Variants in DDX60L observed in about 807,000 individuals in gnomAD.
DDX60L encodes probable ATP-dependent RNA helicase DDX60-like.
DDX60L carries 191 observed loss-of-function variants against 211.6 expected under a neutral mutation model. The observed-to-expected ratio is 0.90, with a 90% CI of 0.80 to 1.02. The LOEUF (loss-of-function observed/expected upper bound fraction) is 1.02, where lower values mean the gene tolerates loss of function less well. Among genes scored for constraint, DDX60L ranks in the 50% least tolerant of loss-of-function variants. The probability of loss-of-function intolerance (pLI) is 0.00; values close to 1 mark genes in which losing one functional copy is unlikely to be tolerated. For synonymous variants in DDX60L, 706 were observed against 694.1 expected (o/e 1.02, Z -0.27); for missense variants, 2,007 against 1,984.1 (o/e 1.01, Z -0.22).
intron 3 of DDX60L, 40 bp from the exon 4 acceptor site, chr4:168,471,976 T>C (rs1758845366): frequency 6.8e-7 from 1 of 1,471,726 alleles, no homozygotes; most frequent in African/African-American, 1.4e-5. Context: ...CACAGATGTT[T>C]CACAGAGACT....
At chr4:168,437,728 G>A (rs542840137) in intron 10 of DDX60L, among the ~76,000 whole-genome samples, 1 of 152,320 alleles carries the variant, frequency 6.6e-6, no homozygotes, top group African/African-American at 2.4e-5. Flanking sequence ...CAAAGGTGAT[G>A]TCATGCACCC....
intron 36 of DDX60L, among the ~76,000 whole-genome samples, chr4:168,370,416 A>G (rs1740794623): frequency 6.6e-6 from 1 of 152,178 alleles, no homozygotes; most frequent in Admixed American, 6.5e-5. Flanking sequence ...ATGGTTACAA[A>G]GATTGGGGAG....
intron 26 of DDX60L, 42 bp from the exon 27 acceptor site, chr4:168,396,166 C>A (rs1286900093): frequency 9.9e-6 from 12 of 1,218,070 alleles, no homozygotes; most frequent in African/African-American, 1.6e-5. Context: ...GTAATGAAAA[C>A]TCATATTCAG....
intron 12 of DDX60L, 109 bp from the exon 13 acceptor site, chr4:168,430,747 C>A: frequency 1.2e-6 from 1 of 819,574 alleles, no homozygotes. Flanking sequence ...CAGTATTTGC[C>A]AATGAGGTCA....
At position 168,378,691 on chromosome 4, in the gene DDX60L, C is replaced by T. The variant is rs145975151; in HGVS notation, c.4364-216G>A. ...ATATTCTGTGCCTTGTTTTTCCATCCTTGCTATACCCGCCCTAGTTCCCAC... is the reference window on the plus strand; with the variant it reads ...ATATTCTGTGCCTTGTTTTTCCATCTTTGCTATACCCGCCCTAGTTCCCAC... On this transcript the variant is annotated intron_variant, in intron 32 of 37. Coordinates refer to ENST00000682922, the MANE Select transcript of DDX60L (RefSeq NM_001012967.3). 1.2e-4 allele frequency among the ~76,000 whole-genome samples: 18 copies of T among 152,076 alleles called. No individual in the cohort carries two copies. The East Asian group carries it at 3.5e-3, about 29-fold the overall frequency.
chr4:168,430,328 G>A (rs904620416), intron 13 of DDX60L, 150 bp downstream of exon 13: 2 of 598,946 alleles, frequency 3.3e-6, no homozygotes, highest in Non-Finnish European at 5.3e-6. Flanking sequence ...CCAATCGCAG[G>A]TATATCTTTC....
intron 26 of DDX60L, among the ~76,000 whole-genome samples, chr4:168,399,793 G>A (rs1372581418): frequency 2.6e-5 from 4 of 152,152 alleles, no homozygotes; most frequent in Non-Finnish European, 5.9e-5. Context: ...AAAAATCACA[G>A]CAGTGAAGTC....
chr4:168,429,995 C>G (rs528220221), intron 13 of DDX60L, among the ~76,000 whole-genome samples: 3 of 152,192 alleles, frequency 2.0e-5, no homozygotes, highest in African/African-American at 7.2e-5. Context: ...GTCGGGAGTT[C>G]GAGACCAGCC....
intron 33 of DDX60L, 87 bp downstream of exon 33, chr4:168,378,267 T>TTAA: frequency 1.4e-6 from 1 of 711,230 alleles, no homozygotes; most frequent in East Asian, 3.2e-5. Flanking sequence ...CTTATATTAA[T>TTAA]TTAACCCTAT....
At chr4:168,371,102 T>C (rs1352375711) in intron 36 of DDX60L, among the ~76,000 whole-genome samples, 1 of 151,372 alleles carries the variant, frequency 6.6e-6, no homozygotes, top group Non-Finnish European at 1.5e-5. Flanking sequence ...AAAATATTAA[T>C]TTATTTCATA....
chr4:168,373,926 T>C, intron 34 of DDX60L, 118 bp from the exon 35 acceptor site: 1 of 987,606 alleles, frequency 1.0e-6, no homozygotes, highest in Non-Finnish European at 1.5e-6. Flanking sequence ...GAATGAAAAC[T>C]GATTGAGATA....
chr4:168,413,578 C>G (rs1749041276), intron 22 of DDX60L, among the ~76,000 whole-genome samples: 1 of 151,558 alleles, frequency 6.6e-6, no homozygotes, highest in Non-Finnish European at 1.5e-5. Flanking sequence ...CAAGCAAAAG[C>G]TGACATACTG....
At chr4:168,448,848 CT>C (rs780326503) in intron 8 of DDX60L, 69 bp from the exon 9 acceptor site, 4 of 1,431,038 alleles carry the variant, frequency 2.8e-6, no homozygotes, top group South Asian at 1.3e-5. Flanking sequence ...GGTTAACCCC[CT>C]ATAAGGTAGG....
chr4:168,459,521 G>GT (rs1757019648), intron 5 of DDX60L, among the ~76,000 whole-genome samples: 1 of 152,064 alleles, frequency 6.6e-6, no homozygotes, highest in Non-Finnish European at 1.5e-5. Flanking sequence ...GGAGGCCAAG[G>GT]TGGGTGGATC....
chr4:168,466,844 C>T (rs1758058435), intron 4 of DDX60L, among the ~76,000 whole-genome samples: 1 of 152,122 alleles, frequency 6.6e-6, no homozygotes, highest in Non-Finnish European at 1.5e-5. Flanking sequence ...TTGCCTGCTA[C>T]ACAGAAAGCA....
intron 10 of DDX60L, 85 bp downstream of exon 10, chr4:168,441,252 C>G: frequency 7.7e-7 from 1 of 1,306,396 alleles, no homozygotes; most frequent in Non-Finnish European, 1.1e-6. Context: ...ATTATTTACA[C>G]TTGGAAGAAT....
intron 10 of DDX60L, among the ~76,000 whole-genome samples, chr4:168,435,591 G>A (rs750034881): frequency 4.0e-5 from 6 of 151,872 alleles, no homozygotes; most frequent in South Asian, 2.1e-4. Flanking sequence ...TACCTGGTAC[G>A]CAGCTATCGA....
intron 6 of DDX60L, among the ~76,000 whole-genome samples, 161 bp downstream of exon 6, chr4:168,457,731 G>T (rs985156821): frequency 6.6e-6 from 1 of 152,098 alleles, no homozygotes; most frequent in Admixed American, 6.5e-5. Context: ...TGAATTCAAG[G>T]TACTCTGAGA....
intron 37 of DDX60L, 109 bp downstream of exon 37, chr4:168,361,040 C>A: frequency 1.2e-6 from 1 of 822,716 alleles, no homozygotes; most frequent in Non-Finnish European, 2.0e-6. Flanking sequence ...TCAATAGTAT[C>A]TTCAGAGTGC....
Sources: gnomAD v4.1 joint callset for allele counts (sites outside exome capture counted in the v4.1 genomes callset) on GRCh38, gnomAD v4.1.1 for gene constraint, MANE v1.5 for transcripts, NCBI Gene and HGNC (gene_info 2026-07-23, HGNC 2026-07-21) for gene names.